The following VPS41 variants were observed in gnomAD, a reference collection of about 807,000 sequenced individuals.
The protein encoded by VPS41 is vacuolar protein sorting-associated protein 41 homolog.
In VPS41, 85 loss-of-function variants were observed where a neutral mutation model predicts 130.9. That is an observed-to-expected ratio of 0.65 (90% CI 0.55 to 0.78). The LOEUF (loss-of-function observed/expected upper bound fraction) is 0.78, where lower values mean the gene tolerates loss of function less well. VPS41 is among the 30% of genes least tolerant of loss of function. VPS41 has a pLI of 0.00. For synonymous variants in VPS41, 335 were observed against 332.9 expected (o/e 1.01, Z -0.07); for missense variants, 874 against 1,018.7 (o/e 0.86, Z 1.93).
chr7:38,811,951 C>T (rs1286891920), intron 7 of VPS41, among the ~76,000 whole-genome samples: 1 of 151,998 alleles, frequency 6.6e-6, no homozygotes, highest in Non-Finnish European at 1.5e-5. Flanking sequence ...ATAAAATAGG[C>T]TTTGTGTTAA....
chr7:38,870,448 ACTC>A (rs1786326011), intron 2 of VPS41, among the ~76,000 whole-genome samples: 1 of 152,084 alleles, frequency 6.6e-6, no homozygotes. Flanking sequence ...CAAAAACTTA[ACTC>A]CCTTAGAGTT....
At chr7:38,817,699 T>C in intron 7 of VPS41, 118 bp downstream of exon 7, 1 of 873,632 alleles carries the variant, frequency 1.1e-6, no homozygotes, top group South Asian at 1.4e-5. Flanking sequence ...ATTACATTTG[T>C]CTTTCTCGAA....
intron 2 of VPS41, among the ~76,000 whole-genome samples, chr7:38,892,464 T>C (rs964758545): frequency 1.3e-5 from 2 of 152,224 alleles, no homozygotes; most frequent in African/African-American, 4.8e-5. Flanking sequence ...ACTGTTCATT[T>C]TTGTAATGAT....
chr7:38,843,414 G>A (rs1018760442), intron 4 of VPS41, among the ~76,000 whole-genome samples: 3 of 152,156 alleles, frequency 2.0e-5, no homozygotes, highest in Admixed American at 6.5e-5. Context: ...CGGGCGCGGT[G>A]GCTCATGCCT....
intron 4 of VPS41, among the ~76,000 whole-genome samples, chr7:38,844,406 T>C (rs926031915): frequency 6.6e-6 from 1 of 152,238 alleles, no homozygotes; most frequent in Non-Finnish European, 1.5e-5. Flanking sequence ...AAAACTAAAT[T>C]TGTTAGGAAA....
intron 9 of VPS41, among the ~76,000 whole-genome samples, chr7:38,792,787 G>A (rs566518921): frequency 6.6e-6 from 1 of 152,018 alleles, no homozygotes; most frequent in Non-Finnish European, 1.5e-5. Context: ...AGGGCCCCTG[G>A]GCTCCAACAT....
At chr7:38,781,903 G>C (rs1038395342) in intron 10 of VPS41, among the ~76,000 whole-genome samples, 1 of 152,172 alleles carries the variant, frequency 6.6e-6, no homozygotes, top group Non-Finnish European at 1.5e-5. Flanking sequence ...TTGCGTAGGT[G>C]TGTCTTTCTG....
chr7:38,850,445 T>C (rs1785829965), intron 4 of VPS41, among the ~76,000 whole-genome samples: 1 of 152,192 alleles, frequency 6.6e-6, no homozygotes, highest in Admixed American at 6.5e-5. Flanking sequence ...CAAAAATATA[T>C]ATACTCTTAA....
At chr7:38,811,257 C>T (rs1562594887) in intron 7 of VPS41, among the ~76,000 whole-genome samples, 2 of 151,998 alleles carry the variant, frequency 1.3e-5, no homozygotes, top group Non-Finnish European at 2.9e-5. Context: ...CAAGTACATA[C>T]CACACAACAT....
chr7:38,806,648 C>A (rs970547122), intron 7 of VPS41, among the ~76,000 whole-genome samples: 1 of 152,146 alleles, frequency 6.6e-6, no homozygotes, highest in African/African-American at 2.4e-5. Flanking sequence ...TGCCCAGACA[C>A]AAATATTGTT....
chr7:38,774,060 G>A (rs1013929753), intron 12 of VPS41, 55 bp downstream of exon 12: 6 of 1,474,062 alleles, frequency 4.1e-6, no homozygotes, highest in Non-Finnish European at 5.5e-6. Flanking sequence ...CAAGTAGGAA[G>A]GGGGAGAAAA....
At chr7:38,731,767 T>C (rs572690324) in intron 25 of VPS41, among the ~76,000 whole-genome samples, 1 of 139,170 alleles carries the variant, frequency 7.2e-6, no homozygotes, top group South Asian at 2.2e-4. Flanking sequence ...TATTTTTCTT[T>C]TTAAAATATG....
chr7:38,839,053 G>C (rs937955141), intron 4 of VPS41, among the ~76,000 whole-genome samples: 2 of 152,184 alleles, frequency 1.3e-5, no homozygotes, highest in African/African-American at 2.4e-5. Flanking sequence ...AGAGAGGAAT[G>C]AATAAGAAAT....
intron 25 of VPS41, among the ~76,000 whole-genome samples, chr7:38,738,771 T>G (rs935822833): frequency 1.3e-5 from 2 of 152,206 alleles, no homozygotes; most frequent in African/African-American, 4.8e-5. Flanking sequence ...ACTGACTTCA[T>G]GAAGCTTTTA....
At chr7:38,787,667 T>A (rs1784464477) in intron 10 of VPS41, among the ~76,000 whole-genome samples, 1 of 152,222 alleles carries the variant, frequency 6.6e-6, no homozygotes, top group African/African-American at 2.4e-5. Context: ...CATACGTATT[T>A]CTTTAATCTT....
chr7:38,797,037 ACAT>A (rs1784635187), intron 7 of VPS41, 173 bp from the exon 8 acceptor site: 7 of 704,876 alleles, frequency 9.9e-6, no homozygotes, highest in Non-Finnish European at 1.6e-5. Context: ...AATTCCTAGC[ACAT>A]CATATTCTCC....
Position 38,743,446 on chromosome 7 carries a change from C to T in VPS41, c.2078G>A (p.Gly693Glu), listed in dbSNP as rs201883473. 1.2e-5 allele frequency: 19 copies of T among 1,614,002 alleles called. No homozygotes were observed. Among genetic ancestry groups the T allele is most frequent in the Middle Eastern group, 1.6e-4 (1 of 6,062 alleles). ...TAAAATCAAATCTTCCCACAGCTCT[C>T]CATCATCTTGCTCCTTGGCAAATTC... Reference protein sequence around the residue: ...AIEFAKEQDDGELWEDLILYS... With the variant: ...AIEFAKEQDDEELWEDLILYS... Residue 693 changes from glycine (G) to glutamate (E), a missense_variant, in exon 24 of 29, where the codon GGA (glycine) becomes GAA (glutamate). Physicochemically the swap from Gly to Glu is moderately conservative, Grantham distance 98. Transcript: ENST00000310301.
At chr7:38,728,608 T>G (rs1209788687) in intron 26 of VPS41, 22 bp from the exon 27 acceptor site, 1 of 1,614,070 alleles carries the variant, frequency 6.2e-7, no homozygotes, top group South Asian at 1.1e-5. Context: ...CACACATACT[T>G]TGGATTATGC....
rs1457069533 is a variant in VPS41, at chr7:38,774,178, T to C, written c.949A>G (p.Ile317Val). 6.2e-7 allele frequency: 1 copy of C among 1,609,976 alleles called. No homozygotes were observed. Among genetic ancestry groups the C allele is most frequent in the African/African-American group, 1.3e-5 (1 of 74,844 alleles). Reference protein sequence around the residue: ...IQPLSETCEEISSDALTVRGF... With the variant: ...IQPLSETCEEVSSDALTVRGF... ...CTGACTGTCAAAGCATCAGAAGAGA[T>C]CTCTTCACAAGTCTCAGAAAGTGGC... Residue 317 changes from isoleucine (I) to valine (V), a missense_variant, in exon 12 of 29, where the codon ATC (isoleucine) becomes GTC (valine). Transcript: ENST00000310301.
Sources: allele counts gnomAD v4.1 joint callset (sites outside exome capture counted in the v4.1 genomes callset), GRCh38; gene constraint gnomAD v4.1.1; transcripts MANE v1.5; gene names NCBI Gene and HGNC (gene_info 2026-07-23, HGNC 2026-07-21).